The following BBX variants were observed in gnomAD, a reference collection of about 807,000 sequenced individuals.
The protein encoded by BBX is BBX high mobility group box domain containing.
Under a neutral mutation model 100.2 loss-of-function variants are expected in BBX, and 30 were observed. The ratio of observed to expected loss-of-function variants is 0.30; its 90% CI spans 0.22 to 0.41. The LOEUF is 0.41. Among genes scored for constraint, BBX ranks in the 10% least tolerant of loss-of-function variants. The pLI, the probability that BBX is intolerant of heterozygous loss-of-function variation, is 1.00. For missense variants in BBX, 1,023 were observed against 1,129.8 expected, an observed-to-expected ratio of 0.91 and a Z score of 1.35; for synonymous variants, 376 against 388.1, an observed-to-expected ratio of 0.97 and a Z score of 0.37.
At chr3:107,589,107 G>T (rs1403001316) in intron 2 of BBX, among the ~76,000 whole-genome samples, 2 of 152,084 alleles carry the variant, frequency 1.3e-5, no homozygotes, top group Non-Finnish European at 1.5e-5. Flanking sequence ...GAATCTTTGG[G>T]TATCATTTTA....
chr3:107,771,737 G>T (rs1251940565), intron 10 of BBX, among the ~76,000 whole-genome samples: 1 of 152,170 alleles, frequency 6.6e-6, no homozygotes, highest in African/African-American at 2.4e-5. Context: ...CTTTAGAGTT[G>T]TCTATCAGCA....
At chr3:107,622,542 A>T (rs1364459294) in intron 2 of BBX, among the ~76,000 whole-genome samples, 1 of 152,146 alleles carries the variant, frequency 6.6e-6, no homozygotes, top group Non-Finnish European at 1.5e-5. Flanking sequence ...CCCACCTGTA[A>T]GCCCTTTATC....
rs755597337 is a variant in BBX at position 107,773,217 on chromosome 3, G to A, written c.1496G>A (p.Gly499Asp). 6.2e-7 allele frequency: 1 copy of A among 1,614,076 alleles called. No individual in the cohort carries two copies. Among genetic ancestry groups the A allele is most frequent in the Non-Finnish European group, 8.5e-7 (1 of 1,179,992 alleles). ...GAAGCCGTCGCAAAAGGAGACTGGG[G>A]CATAGAGAAACTTGGAGATACCCCT... ...TIEAVAKGDW[G>D]IEKLGDTPRK... Residue 499 changes from glycine (G) to aspartate (D), a missense_variant, in exon 11 of 18, where the codon GGC becomes GAC. By Grantham distance (94) the Gly-to-Asp change is moderately conservative (BLOSUM62 -1). Transcript: ENST00000325805. This position sits in a 1 kb window ranked among gnomAD's most constrained non-coding sequence, Gnocchi z 4.1.
At chr3:107,791,856 T>G (rs1355840332) in intron 15 of BBX, among the ~76,000 whole-genome samples, 2 of 152,064 alleles carry the variant, frequency 1.3e-5, no homozygotes, top group Admixed American at 6.6e-5. Flanking sequence ...CAAAAATTAG[T>G]TGGCTGTGAT....
chr3:107,635,459 A>G lies in BBX; in HGVS notation c.-83-10377A>G, dbSNP rs1401993466. On this transcript the variant is annotated intron_variant, in intron 2 of 17. Coordinates refer to ENST00000325805, the MANE Select transcript of BBX (RefSeq NM_001142568.3). ...GGAAATACCATAGAATTAGTTTTAG[A>G]AGTCAAATTAACATTTGCCAGTTTT... is the stretch of plus-strand genomic sequence containing the variant. Among the ~76,000 whole-genome samples, 2 of 152,198 alleles carry G rather than the reference A, an allele frequency of 1.3e-5. 1 individual carries two copies. The highest frequency in any genetic ancestry group is 1.3e-4 in the Admixed American group (2 of 15,272).
chr3:107,792,192 T>A (rs1315286053), intron 15 of BBX, among the ~76,000 whole-genome samples: 1 of 152,234 alleles, frequency 6.6e-6, no homozygotes, highest in African/African-American at 2.4e-5. Context: ...ACCTCTCCCT[T>A]CTTCCTGTTG....
intron 5 of BBX, among the ~76,000 whole-genome samples, chr3:107,724,698 G>A (rs1486152270): frequency 6.6e-6 from 1 of 152,218 alleles, no homozygotes; most frequent in South Asian, 2.1e-4. Context: ...TCTCAGGTTT[G>A]TCAAAGATCA....
At chr3:107,729,073 G>A in intron 6 of BBX, 113 bp downstream of exon 6, 1 of 1,051,878 alleles carries the variant, frequency 9.5e-7, no homozygotes, top group Non-Finnish European at 1.4e-6. Flanking sequence ...ATATTAAGCA[G>A]TGGCAAAGAT....
At chr3:107,554,937 G>A (rs532987972) in intron 2 of BBX, among the ~76,000 whole-genome samples, 2 of 151,752 alleles carry the variant, frequency 1.3e-5, no homozygotes, top group South Asian at 2.1e-4. Flanking sequence ...GCATGGTGAC[G>A]CATGCCTGTA....
At chr3:107,670,361 A>G (rs1479901247) in intron 3 of BBX, among the ~76,000 whole-genome samples, 1 of 152,138 alleles carries the variant, frequency 6.6e-6, no homozygotes, top group Non-Finnish European at 1.5e-5. Context: ...CTAGTGTAAT[A>G]CTGCTGTTGA....
Position 107,704,218 on chromosome 3 carries a change from C to T in BBX, c.-9-6234C>T, listed in dbSNP as rs368665025. On this transcript the variant is annotated intron_variant, in intron 3 of 17. Coordinates refer to ENST00000325805, the MANE Select transcript of BBX (RefSeq NM_001142568.3). ...TTAAATATTTAATAAATGTTAGTTG[C>T]ATATCAGAATTTTAAAAAAAATTTA... Among the ~76,000 whole-genome samples the T allele has an allele frequency of 1.3e-4, 20 of 152,138 alleles. No homozygotes were observed. In the East Asian group the frequency reaches 3.9e-3, roughly 29 times the overall value.
chr3:107,575,083 C>T (rs2107529443), intron 2 of BBX, among the ~76,000 whole-genome samples: 1 of 152,294 alleles, frequency 6.6e-6, no homozygotes, highest in South Asian at 2.1e-4. Flanking sequence ...TGTGGCAAAA[C>T]CAAAGCCATT....
chr3:107,684,785 T>G (rs982674108), intron 3 of BBX: 2 of 152,232 alleles, frequency 1.3e-5, no homozygotes, highest in African/African-American at 4.8e-5. Flanking sequence ...ACTTTGCAAT[T>G]GCAAATATAC....
chr3:107,760,806 CTTTG>C (rs1188480566), intron 10 of BBX, among the ~76,000 whole-genome samples: 1 of 152,122 alleles, frequency 6.6e-6, no homozygotes, highest in South Asian at 2.1e-4. Flanking sequence ...TACAGAGATC[CTTTG>C]TTTGGCCTAT....
chr3:107,643,589 G>C (rs1478472536), intron 2 of BBX, among the ~76,000 whole-genome samples: 1 of 152,070 alleles, frequency 6.6e-6, no homozygotes, highest in Admixed American at 6.6e-5. Context: ...AGGTGGCTCA[G>C]ATGAAAATCT....
chr3:107,550,402 G>A (rs1196640807), intron 2 of BBX, among the ~76,000 whole-genome samples: 3 of 152,184 alleles, frequency 2.0e-5, no homozygotes, highest in African/African-American at 7.2e-5. Context: ...GGGCCTTGGA[G>A]TTGAATGGGA....
intron 3 of BBX, among the ~76,000 whole-genome samples, chr3:107,666,814 C>G (rs911921586): frequency 1.7e-4 from 26 of 152,194 alleles, no homozygotes; most frequent in Admixed American, 1.7e-3. Context: ...TCATGATCCA[C>G]CCGCCTCGGC....
At chr3:107,600,548 G>A (rs976824298) in intron 2 of BBX, among the ~76,000 whole-genome samples, 1 of 152,128 alleles carries the variant, frequency 6.6e-6, no homozygotes, top group Non-Finnish European at 1.5e-5. Flanking sequence ...AAAGGTGCTG[G>A]CACTGTTCTT....
chr3:107,609,468 T>C (rs766685684), intron 2 of BBX, among the ~76,000 whole-genome samples: 8 of 152,000 alleles, frequency 5.3e-5, no homozygotes, highest in Non-Finnish European at 8.8e-5. Flanking sequence ...TTAGTATTAG[T>C]ATATTTGGTA....
Sources: allele counts gnomAD v4.1 joint callset (sites outside exome capture counted in the v4.1 genomes callset), GRCh38; gene constraint gnomAD v4.1.1; non-coding constraint Gnocchi (gnomAD v3.1); transcripts MANE v1.5; gene names NCBI Gene and HGNC (gene_info 2026-07-23, HGNC 2026-07-21).